SSU72: variants seen among roughly 807,000 people sequenced by gnomAD.
SSU72 encodes SSU72 homolog, RNA polymerase II CTD phosphatase.
In SSU72, 12 loss-of-function variants were observed where a neutral mutation model predicts 22.7. The ratio of observed to expected loss-of-function variants is 0.53; its 90% CI spans 0.34 to 0.86. SSU72 has a LOEUF of 0.86. Among genes scored for constraint, SSU72 ranks in the 40% least tolerant of loss-of-function variants. The pLI is 0.02. For synonymous variants in SSU72, 116 were observed against 98.3 expected, an observed-to-expected ratio of 1.18 and a Z score of -1.06; for missense variants, 151 against 249.8, an observed-to-expected ratio of 0.60 and a Z score of 2.67.
chr1:1,557,991 CAT>C (rs1403894828), intron 2 of SSU72, among the ~76,000 whole-genome samples: 3 of 151,328 alleles, frequency 2.0e-5, no homozygotes, highest in Admixed American at 6.6e-5. Context: ...GGGCTCATCA[CAT>C]GAGGTCAGGA....
At chr1:1,552,911 C>T (rs1010528018) in intron 2 of SSU72, among the ~76,000 whole-genome samples, 2 of 150,942 alleles carry the variant, frequency 1.3e-5, no homozygotes, top group African/African-American at 2.4e-5. Context: ...ATCCCAGCTA[C>T]TTGGGAGGCT....
chr1:1,564,152 CAT>C (rs1642629592), intron 2 of SSU72: 1 of 176,762 alleles, frequency 5.7e-6, no homozygotes, highest in Non-Finnish European at 1.2e-5. Context: ...CACTGATTGT[CAT>C]AACCATTATG....
chr1:1,542,317 A>G lies in SSU72; in HGVS notation c.484-150T>C, dbSNP rs534959874. The G allele has an allele frequency of 2.5e-5, 18 of 730,262 alleles. No homozygotes were observed. In the East Asian group the frequency reaches 5.0e-4, roughly 20 times the overall value. 45.2% of individuals were successfully genotyped at this position (730,262 alleles called of 1,614,324 possible). ...ACCCCACCGCTGCTGCCTCACAAGG[A>G]CGGCCGGAGGCTGCAGGGGGAGAGC... On this transcript the variant is annotated intron_variant, in intron 4 of 4. Coordinates refer to ENST00000291386, the MANE Select transcript of SSU72 (RefSeq NM_014188.3). This position sits in a 1 kb window ranked among gnomAD's most constrained non-coding sequence, Gnocchi z 4.4.
chr1:1,572,613 C>T (rs1359261447), intron 1 of SSU72, among the ~76,000 whole-genome samples: 5 of 150,360 alleles, frequency 3.3e-5, no homozygotes, highest in Non-Finnish European at 7.4e-5. Flanking sequence ...CCCGCCACCA[C>T]GCCCGGCTAA....
Position 1,564,942 on chromosome 1 carries a change from TCA to T in SSU72, c.81-28_81-27del, listed in dbSNP as rs763124900. ...CTGAAAGACAAAAGGAGAGAAAGAA[TCA>T]CAGTCACACTAAGACACAAAATTCC... On this transcript the variant is annotated intron_variant, in intron 1 of 4. Transcript: ENST00000291386. 76 of 1,569,544 alleles carry T rather than the reference TCA, an allele frequency of 4.8e-5. No individual in the cohort carries two copies. In the African/African-American group the frequency reaches 8.4e-4, roughly 17 times the overall value.
Position 1,574,602 on chromosome 1 carries a change from C to T in SSU72, c.-45G>A, listed in dbSNP as rs1642787140. On this transcript the variant is annotated 5_prime_UTR_variant, in exon 1 of 5. Transcript: ENST00000291386. ...GCGGCTCTCCCGCTTGGGTTCCCAC[C>T]CTACCGCGGCGCTTCCGCGCGAACA... is the stretch of plus-strand genomic sequence containing the variant. The T allele has an allele frequency of 4.6e-6, 7 of 1,533,458 alleles. No individual in the cohort carries two copies. The highest frequency in any genetic ancestry group is 6.1e-6 in the Non-Finnish European group (7 of 1,140,256). 95.0% of individuals were successfully genotyped at this position (1,533,458 alleles called of 1,614,324 possible).
At chr1:1,550,529 A>AT (rs1243205954) in intron 2 of SSU72, among the ~76,000 whole-genome samples, 1 of 152,204 alleles carries the variant, frequency 6.6e-6, no homozygotes, top group Non-Finnish European at 1.5e-5. Context: ...GCACTCAGAG[A>AT]ATCAGTGCCT....
chr1:1,555,793 T>C (rs982161700), intron 2 of SSU72, among the ~76,000 whole-genome samples: 2 of 150,704 alleles, frequency 1.3e-5, no homozygotes, highest in African/African-American at 4.9e-5. Flanking sequence ...AGTTCAGGAA[T>C]CCAAGACCAG....
rs966763759 is a variant in SSU72 at position 1,566,555 on chromosome 1, A to T, written c.81-1639T>A. On this transcript the variant is annotated intron_variant, in intron 1 of 4. Transcript: ENST00000291386. Reference sequence around the variant, plus strand: ...CACGTGAGGAGTTCCATATTATTTTAAAAAAAGAAAAGTAAGGCCGGGTGC... The same window carrying T: ...CACGTGAGGAGTTCCATATTATTTTTAAAAAAGAAAAGTAAGGCCGGGTGC... Among the ~76,000 whole-genome samples the T allele has an allele frequency of 3.2e-4, 48 of 152,206 alleles. 1 individual carries two copies. The highest frequency in any genetic ancestry group is 2.1e-3 in the Admixed American group (32 of 15,286).
At chr1:1,549,390 A>G (rs1415871388) in intron 2 of SSU72, among the ~76,000 whole-genome samples, 5 of 151,608 alleles carry the variant, frequency 3.3e-5, no homozygotes, top group Non-Finnish European at 5.9e-5. Context: ...GCGTGGTGGC[A>G]GGCGCCTGTA....
At chr1:1,548,793 G>A (rs886508014) in intron 2 of SSU72, among the ~76,000 whole-genome samples, 2 of 152,228 alleles carry the variant, frequency 1.3e-5, no homozygotes, top group African/African-American at 4.8e-5. Flanking sequence ...AGGCCCATCA[G>A]ACCCTTGAGT....
intron 2 of SSU72, chr1:1,560,928 A>T (rs1314317358): frequency 6.6e-6 from 1 of 152,252 alleles, no homozygotes; most frequent in East Asian, 1.9e-4. Flanking sequence ...TGCATGTCCT[A>T]ATTTATTTAA....
At chr1:1,547,505 A>T (rs1256842901) in intron 2 of SSU72, among the ~76,000 whole-genome samples, 1 of 152,248 alleles carries the variant, frequency 6.6e-6, no homozygotes, top group Non-Finnish European at 1.5e-5. Context: ...GGCCCCGCCC[A>T]GAGGGCTAGA....
chr1:1,567,938 A>C lies in SSU72; in HGVS notation c.81-3022T>G, dbSNP rs529054728. On this transcript the variant is annotated intron_variant, in intron 1 of 4. Transcript: ENST00000291386. Reference sequence around the variant, plus strand: ...AAAAAAAAAAAAAAAAATCGCACAAAGAAGCCCAGGATCAGCGTGATCACA... The same window carrying C: ...AAAAAAAAAAAAAAAAATCGCACAACGAAGCCCAGGATCAGCGTGATCACA... 2.1e-5 allele frequency among the ~76,000 whole-genome samples: 3 copies of C among 142,672 alleles called. No homozygotes were observed. The South Asian group carries it at 7.1e-4, about 34-fold the overall frequency. The allele number at this position is 142,672 out of a possible 152,430, so 93.6% of individuals were successfully genotyped here.
At chr1:1,550,163 G>A (rs1462541709) in intron 2 of SSU72, among the ~76,000 whole-genome samples, 2 of 140,782 alleles carry the variant, frequency 1.4e-5, no homozygotes, top group African/African-American at 5.4e-5. Flanking sequence ...GAGACAGAGC[G>A]AGAGTGTCTC....
intron 2 of SSU72, chr1:1,561,709 TGCAAGAGCTTTA>T (rs1277430991): frequency 1.3e-5 from 2 of 152,266 alleles, no homozygotes; most frequent in Non-Finnish European, 2.9e-5. Flanking sequence ...GGGCATCATG[TGCAAGAGCTTTA>T]GCTAAGTGGC....
At chr1:1,548,568 A>AC (rs1642420543) in intron 2 of SSU72, among the ~76,000 whole-genome samples, 1 of 151,400 alleles carries the variant, frequency 6.6e-6, no homozygotes, top group South Asian at 2.1e-4. Context: ...AAAAAAAAAA[A>AC]AAAAAAAACT....
chr1:1,543,526 G>T (rs1642350610), intron 4 of SSU72, among the ~76,000 whole-genome samples: 1 of 152,200 alleles, frequency 6.6e-6, no homozygotes, highest in African/African-American at 2.4e-5. Flanking sequence ...ACTACCAGCA[G>T]GCGCCCCCGA....
At chr1:1,563,598 T>C (rs1642622484) in intron 2 of SSU72, 2 of 149,216 alleles carry the variant, frequency 1.3e-5, no homozygotes, top group Admixed American at 1.3e-4. Context: ...ACGCCTGTAA[T>C]CCCAGCACTT....
Sources: gnomAD v4.1 joint callset for allele counts (sites outside exome capture counted in the v4.1 genomes callset) on GRCh38, gnomAD v4.1.1 for gene constraint, Gnocchi (gnomAD v3.1) non-coding constraint, MANE v1.5 for transcripts, NCBI Gene and HGNC (gene_info 2026-07-23, HGNC 2026-07-21) for gene names.